Variants in KSR1 observed in about 807,000 individuals in gnomAD.
KSR1 encodes kinase suppressor of ras.
A neutral mutation model predicts 92.9 loss-of-function variants in KSR1; 35 were observed. The ratio of observed to expected loss-of-function variants is 0.38; its 90% CI spans 0.29 to 0.50. KSR1 has a LOEUF of 0.50. Among genes scored for constraint, KSR1 ranks in the 20% least tolerant of loss-of-function variants. The probability of loss-of-function intolerance (pLI) is 0.94; values close to 1 mark genes in which losing one functional copy is unlikely to be tolerated. For missense variants in KSR1, 972 were observed against 1,158.5 expected, an observed-to-expected ratio of 0.84 and a Z score of 2.34; for synonymous variants, 467 against 472.6, an observed-to-expected ratio of 0.99 and a Z score of 0.15.
At chr17:27,491,311 GT>G (rs2068819087) in intron 1 of KSR1, among the ~76,000 whole-genome samples, 3 of 1,116 alleles carry the variant, frequency 2.7e-3, no homozygotes, top group Non-Finnish European at 6.3e-3. Flanking sequence ...AGTGGTGTGT[GT>G]GTGTGTGTGT....
chr17:27,539,639 G>A (rs1473597043), intron 1 of KSR1, among the ~76,000 whole-genome samples: 3 of 152,202 alleles, frequency 2.0e-5, no homozygotes, highest in Non-Finnish European at 4.4e-5. Flanking sequence ...CTTTGTTGCC[G>A]TTATTCAATT....
At chr17:27,490,673 G>A (rs1207640026) in intron 1 of KSR1, among the ~76,000 whole-genome samples, 1 of 152,130 alleles carries the variant, frequency 6.6e-6, no homozygotes, top group African/African-American at 2.4e-5. Flanking sequence ...GTACAAATAG[G>A]TACTGCCTTT....
intron 2 of KSR1, among the ~76,000 whole-genome samples, chr17:27,573,412 G>T (rs1239471227): frequency 6.6e-6 from 1 of 152,144 alleles, no homozygotes; most frequent in East Asian, 1.9e-4. Context: ...GTTTAGCCTA[G>T]AGCTACCTCC....
chr17:27,514,069 G>A (rs1194559818), intron 1 of KSR1, among the ~76,000 whole-genome samples: 2 of 152,234 alleles, frequency 1.3e-5, no homozygotes, highest in Non-Finnish European at 2.9e-5. Context: ...TGGCGCTAAC[G>A]CCTTTGCCAT....
intron 17 of KSR1, 185 bp from the exon 18 acceptor site, chr17:27,611,308 AG>A (rs2073910125): frequency 1.5e-6 from 1 of 645,614 alleles, no homozygotes. Flanking sequence ...ACGAGAGCAC[AG>A]GGCCCAGGTC....
intron 1 of KSR1, among the ~76,000 whole-genome samples, chr17:27,520,045 T>C (rs1489422983): frequency 2.6e-5 from 4 of 152,230 alleles, no homozygotes; most frequent in Non-Finnish European, 5.9e-5. Context: ...GGAATAAACC[T>C]GTAGCTGATG....
chr17:27,603,060 G>A (rs1448036982), intron 11 of KSR1, among the ~76,000 whole-genome samples: 1 of 152,254 alleles, frequency 6.6e-6, no homozygotes, highest in Non-Finnish European at 1.5e-5. Context: ...AAAGAGCGGG[G>A]AGTGAGCCGT....
rs1335778984 is a variant in KSR1, at chr17:27,559,351, TG to T, written c.372+8646del. On this transcript the variant is annotated intron_variant, in intron 2 of 20. Transcript: ENST00000644974. This position sits in a 1 kb window ranked among gnomAD's most constrained non-coding sequence, Gnocchi z 4.2. ...GTCTGTAGATGTTGGAGACAGAACT[TG>T]GGCAATGCCTGCATGTGTTTGCCCA... Among the ~76,000 whole-genome samples the T allele has an allele frequency of 2.0e-5, 3 of 152,342 alleles. No individual in the cohort carries two copies. In the East Asian group the frequency reaches 5.8e-4, roughly 29 times the overall value.
intron 1 of KSR1, among the ~76,000 whole-genome samples, chr17:27,521,334 CTTTTTTTTT>C (rs759201177): frequency 7.4e-6 from 1 of 134,948 alleles, no homozygotes; most frequent in African/African-American, 2.7e-5. Flanking sequence ...AAGGCCATTC[CTTTTTTTTT>C]TTTTTTTTTT....
chr17:27,618,855 T>C (rs924544995), intron 19 of KSR1, among the ~76,000 whole-genome samples: 3 of 152,168 alleles, frequency 2.0e-5, no homozygotes, highest in Non-Finnish European at 2.9e-5. Context: ...TGAAAAACTT[T>C]CCAAAAAAAA....
chr17:27,519,937 G>A (rs56935145), intron 1 of KSR1, among the ~76,000 whole-genome samples: 2,958 of 152,250 alleles, frequency 0.019, 82 homozygotes, highest in African/African-American at 0.067. Context: ...AGTGGGGATA[G>A]TAATACTGAA....
intron 1 of KSR1, among the ~76,000 whole-genome samples, chr17:27,534,136 G>A (rs1179430562): frequency 2.6e-5 from 4 of 152,200 alleles, no homozygotes; most frequent in African/African-American, 9.7e-5. Flanking sequence ...AGAGGTTCGT[G>A]TTGCACAGTT....
chr17:27,570,986 A>G (rs777610377), intron 2 of KSR1, among the ~76,000 whole-genome samples: 4 of 152,224 alleles, frequency 2.6e-5, no homozygotes, highest in African/African-American at 9.6e-5. Context: ...CTCATTTTAT[A>G]AATGGGAAAT....
intron 19 of KSR1, among the ~76,000 whole-genome samples, chr17:27,618,269 C>T (rs182910080): frequency 2.0e-5 from 3 of 152,326 alleles, no homozygotes; most frequent in African/African-American, 7.2e-5. Flanking sequence ...TGATGTCCAC[C>T]AGGTCACAGG....
At chr17:27,611,430 GGCCCC>G in intron 17 of KSR1, 59 bp from the exon 18 acceptor site, 1 of 1,605,180 alleles carries the variant, frequency 6.2e-7, no homozygotes, top group Non-Finnish European at 8.5e-7. Flanking sequence ...ATGGCTCAAG[GGCCCC>G]TGGGCTTGAG....
chr17:27,514,712 T>A (rs2069725623), intron 1 of KSR1, among the ~76,000 whole-genome samples: 1 of 151,810 alleles, frequency 6.6e-6, no homozygotes, highest in Non-Finnish European at 1.5e-5. Flanking sequence ...AGTAAGGGAT[T>A]ATTTTTCTTA....
intron 6 of KSR1, among the ~76,000 whole-genome samples, chr17:27,589,069 G>A (rs778829913): frequency 5.1e-4 from 77 of 152,268 alleles, no homozygotes; most frequent in African/African-American, 3.1e-4. Context: ...TGGGGAGGCC[G>A]GATCGCAACT....
intron 1 of KSR1, among the ~76,000 whole-genome samples, chr17:27,488,914 A>G (rs1171027420): frequency 6.6e-6 from 1 of 152,246 alleles, no homozygotes; most frequent in Non-Finnish European, 1.5e-5. Flanking sequence ...CAGTAAGCCG[A>G]GAATGTGCCA....
At chr17:27,487,586 TA>T (rs75708903) in intron 1 of KSR1, among the ~76,000 whole-genome samples, 72,660 of 145,950 alleles carry the variant, frequency 0.5, 18,522 homozygotes, top group East Asian at 0.65. Flanking sequence ...CCATCTCTTT[TA>T]AAAAAAAAAA....
Sources: gnomAD v4.1 joint callset for allele counts (sites outside exome capture counted in the v4.1 genomes callset) on GRCh38, gnomAD v4.1.1 for gene constraint, Gnocchi (gnomAD v3.1) non-coding constraint, MANE v1.5 for transcripts, NCBI Gene and HGNC (gene_info 2026-07-23, HGNC 2026-07-21) for gene names.